The following HERC2 variants were observed in gnomAD, a reference collection of about 807,000 sequenced individuals.
HERC2 encodes E3 ubiquitin-protein ligase HERC2.
HERC2 carries 102 observed loss-of-function variants against 537.7 expected under a neutral mutation model. The ratio of observed to expected loss-of-function variants is 0.19; its 90% CI spans 0.16 to 0.22. The LOEUF (loss-of-function observed/expected upper bound fraction) is 0.22, where lower values mean the gene tolerates loss of function less well. HERC2 is among the 10% of genes least tolerant of loss of function. The pLI, the probability that HERC2 is intolerant of heterozygous loss-of-function variation, is 1.00. For synonymous variants in HERC2, 2,224 were observed against 2,466.2 expected, an observed-to-expected ratio of 0.90 and a Z score of 2.91; for missense variants, 4,236 against 6,198.2, an observed-to-expected ratio of 0.68 and a Z score of 10.63.
In HERC2 at chr15:28,269,269, C is replaced by A. The variant is rs1398601279; in HGVS notation, c.1425G>T (p.Gln475His). 4 of 1,613,840 alleles carry A rather than the reference C, an allele frequency of 2.5e-6. No homozygotes were observed. The highest frequency in any genetic ancestry group is 1.1e-5 in the South Asian group (1 of 90,974). The change falls in exon 11 of 93, where the codon CAG (glutamine) becomes CAT (histidine). Residue 475 changes from glutamine to histidine, a missense_variant. Physicochemically the swap from Gln to His is conservative, Grantham distance 24 (BLOSUM62 0). Around this residue, in one of 27 missense-constraint regions of HERC2, gnomAD observed 491 missense variants for 559.3 expected, o/e 0.88. Transcript: ENST00000261609. Reference sequence around the variant, plus strand: ...TCACCAGCGTGTCACTATTATAGGCCTGTGTGTACACGCGGCCATTGCGTG... The same window carrying A: ...TCACCAGCGTGTCACTATTATAGGCATGTGTGTACACGCGGCCATTGCGTG... The part of the protein sequence containing the change: ...ILSRNGRVYT[Q>H]AYNSDTLAPQ...
intron 10 of HERC2, among the ~76,000 whole-genome samples, chr15:28,269,898 C>A (rs1200487119): frequency 6.6e-6 from 1 of 152,266 alleles, no homozygotes; most frequent in African/African-American, 2.4e-5. Context: ...CGGGCACACA[C>A]ACGTGCACAC....
chr15:28,142,961 C>G lies in HERC2; in HGVS notation c.11419-9G>C, dbSNP rs1462300442. ...GCACTACCTGTAAAACTCTAAGAAA[C>G]AACAGAACAGTATTCTATCGCAGGA... On this transcript the variant is annotated splice_polypyrimidine_tract_variant and intron_variant, in intron 74 of 92. Coordinates refer to ENST00000261609, the MANE Select transcript of HERC2 (RefSeq NM_004667.6). 1 of 1,606,298 alleles carries G rather than the reference C, an allele frequency of 6.2e-7. No homozygotes were observed. Among genetic ancestry groups the G allele is most frequent in the Non-Finnish European group, 8.5e-7 (1 of 1,176,870 alleles).
In HERC2 at chr15:28,117,064, C is replaced by A; in HGVS notation, c.13363G>T (p.Gly4455Cys). The A allele has an allele frequency of 1.2e-6, 2 of 1,614,172 alleles. No individual in the cohort carries two copies. The highest frequency in any genetic ancestry group is 2.7e-5 in the African/African-American group (2 of 75,064). Reference protein sequence around the residue: ...GQMCAKMSSFGPDSLLLPHRV... With the variant: ...GQMCAKMSSFCPDSLLLPHRV... ...TGAGGAAGGAGGAGGCTGTCGGGACCAAACGAGCTCATCTTAGCACACATC... is the reference window on the plus strand; with the variant it reads ...TGAGGAAGGAGGAGGCTGTCGGGACAAAACGAGCTCATCTTAGCACACATC... Residue 4455 changes from glycine to cysteine, a missense_variant, in exon 87 of 93, where the codon GGT becomes TGT. Gly to Cys is a radical substitution (Grantham distance 159, BLOSUM62 -3). This residue lies in a region of HERC2 where 29 missense variants were observed against 102.1 expected (regional missense o/e 0.28). Coordinates refer to ENST00000261609, the MANE Select transcript of HERC2 (RefSeq NM_004667.6).
At chr15:28,140,367 G>C (rs929136470) in intron 78 of HERC2, among the ~76,000 whole-genome samples, 1 of 152,088 alleles carries the variant, frequency 6.6e-6, no homozygotes, top group Non-Finnish European at 1.5e-5. Flanking sequence ...AAGAGAGGTA[G>C]GCTAGACAGA....
chr15:28,167,861 G>C, intron 67 of HERC2, 34 bp from the exon 68 acceptor site: 4 of 1,574,488 alleles, frequency 2.5e-6, no homozygotes, highest in Non-Finnish European at 3.4e-6. Context: ...GGAAGTTTAA[G>C]TGGAAAAACT....
chr15:28,264,701 C>T (rs1181654413), intron 14 of HERC2, among the ~76,000 whole-genome samples: 1 of 152,198 alleles, frequency 6.6e-6, no homozygotes, highest in Non-Finnish European at 1.5e-5. Flanking sequence ...GAATGCAAGG[C>T]TAATCTCCTA....
chr15:28,254,670 G>A (rs1477156763), intron 19 of HERC2, 152 bp from the exon 20 acceptor site: 2 of 563,462 alleles, frequency 3.5e-6, no homozygotes, highest in Non-Finnish European at 6.1e-6. Flanking sequence ...TGCCTTGTTG[G>A]AAACCCTAAC....
At position 28,146,269 on chromosome 15, in the gene HERC2, T is replaced by C. The variant is rs765392969; in HGVS notation, c.10976A>G (p.Asp3659Gly). The change falls in exon 71 of 93, where the codon GAC (aspartate) becomes GGC (glycine). Residue 3659 changes from aspartate to glycine, a missense_variant. Physicochemically the swap from Asp to Gly is moderately conservative, Grantham distance 94. Around this residue, in one of 27 missense-constraint regions of HERC2, gnomAD observed 356 missense variants for 450.9 expected, o/e 0.79. Coordinates refer to ENST00000261609, the MANE Select transcript of HERC2 (RefSeq NM_004667.6). ...CACGGAGACGATCCTGTTGACGCCG[T>C]CCATGACTGTGAGAGGGTCGTGGCG... ...ERRHDPLTVM[D>G]GVNRIVSVRS... 2 of 1,613,888 alleles carry C rather than the reference T, an allele frequency of 1.2e-6. No homozygotes were observed. Among genetic ancestry groups the C allele is most frequent in the South Asian group, 2.2e-5 (2 of 91,050 alleles).
At position 28,132,790 on chromosome 15, in the gene HERC2, T is replaced by C; in HGVS notation, c.12271A>G (p.Ile4091Val). ...RPRVIESLRG[I>V]EVVDVAAGGA... The stretch of plus-strand genomic sequence containing the variant: ...CCAGCAGCAACATCGACCACTTCAA[T>C]TCCTCTCAGAGACTCGATGACACGA... Residue 4091 changes from isoleucine to valine, a missense_variant, in exon 80 of 93, where the codon ATT (isoleucine) becomes GTT (valine). Physicochemically the swap from Ile to Val is conservative, Grantham distance 29. Transcript: ENST00000261609. 3 of 1,599,796 alleles carry C rather than the reference T, an allele frequency of 1.9e-6. No individual in the cohort carries two copies. The South Asian group carries it at 3.4e-5, about 18-fold the overall frequency.
chr15:28,320,032 G>C (rs1434643473), intron 2 of HERC2: 1 of 151,730 alleles, frequency 6.6e-6, no homozygotes, highest in African/African-American at 2.4e-5. Flanking sequence ...CAAACCCAAA[G>C]AGTAACTACA....
At chr15:28,313,787 C>G (rs543616029) in intron 2 of HERC2, among the ~76,000 whole-genome samples, 1 of 152,134 alleles carries the variant, frequency 6.6e-6, no homozygotes, top group Non-Finnish European at 1.5e-5. Context: ...TGAAGACATC[C>G]TAGAAGCAGT....
intron 2 of HERC2, among the ~76,000 whole-genome samples, chr15:28,318,737 G>C (rs2077156529): frequency 1.3e-5 from 2 of 152,074 alleles, no homozygotes; most frequent in South Asian, 4.2e-4. Context: ...CCCTAGGCCT[G>C]ACGTATCCAA....
Position 28,301,982 on chromosome 15 carries a change from T to A in HERC2, c.73-2466A>T, listed in dbSNP as rs1490664483. On this transcript the variant is annotated intron_variant, in intron 2 of 92. Coordinates refer to ENST00000261609, the MANE Select transcript of HERC2 (RefSeq NM_004667.6). ...ACCCAGCTAATTTTTGTATTTTTGG[T>A]AGAGATGGGGTTTCACCGTGTTGGC... Among the ~76,000 whole-genome samples, 20 of 149,956 alleles carry A rather than the reference T, an allele frequency of 1.3e-4. No individual in the cohort carries two copies. In the Admixed American group the frequency reaches 1.3e-3, roughly 10 times the overall value.
chr15:28,163,257 C>A lies in HERC2; in HGVS notation c.10583G>T (p.Gly3528Val). 1 of 1,613,450 alleles carries A rather than the reference C, an allele frequency of 6.2e-7. No individual in the cohort carries two copies. The highest frequency in any genetic ancestry group is 8.5e-7 in the Non-Finnish European group (1 of 1,179,978). The part of the protein sequence containing the change: ...EDVESQNKAA[G>V]PEPQALDEFT... ...CTCATCCAAGGCCTGAGGCTCCGGA[C>A]CTGCTGCTTTATTTTGGCTTTCAAC... The change falls in exon 69 of 93, where the codon GGT becomes GTT. Residue 3528 changes from glycine (G) to valine (V), a missense_variant. Physicochemically the swap from Gly to Val is moderately radical, Grantham distance 109. Around this residue, in one of 27 missense-constraint regions of HERC2, gnomAD observed 356 missense variants for 450.9 expected, o/e 0.79. Coordinates refer to ENST00000261609, the MANE Select transcript of HERC2 (RefSeq NM_004667.6).
At position 28,191,018 on chromosome 15, in the gene HERC2, T is replaced by A; in HGVS notation, c.8596A>T (p.Ile2866Phe). The change falls in exon 55 of 93, where the codon ATC (isoleucine) becomes TTC (phenylalanine). Residue 2866 changes from isoleucine to phenylalanine, a missense_variant. Ile to Phe is a conservative substitution (Grantham distance 21, BLOSUM62 0). Transcript: ENST00000261609. ...GTGGTGTCAGAAGGGTTAATATTGATTGTCTTTAGTTCAATAAGGTTATTC... is the reference window on the plus strand; with the variant it reads ...GTGGTGTCAGAAGGGTTAATATTGAATGTCTTTAGTTCAATAAGGTTATTC... ...SLNNLIELKT[I>F]NINPSDTTVP... 1 of 1,612,948 alleles carries A rather than the reference T, an allele frequency of 6.2e-7. No homozygotes were observed. Among genetic ancestry groups the A allele is most frequent in the Non-Finnish European group, 8.5e-7 (1 of 1,178,920 alleles).
intron 5 of HERC2, 62 bp downstream of exon 5, chr15:28,280,006 A>G: frequency 7.4e-7 from 1 of 1,346,458 alleles, no homozygotes; most frequent in South Asian, 1.3e-5. Flanking sequence ...ACTTTCTGAA[A>G]CAAAACAGTC....
intron 65 of HERC2, among the ~76,000 whole-genome samples, chr15:28,169,889 T>G (rs1404373374): frequency 1.3e-5 from 2 of 152,230 alleles, no homozygotes; most frequent in East Asian, 3.8e-4. Flanking sequence ...AAGATGTAGG[T>G]GCTTTTATAA....
intron 7 of HERC2, among the ~76,000 whole-genome samples, chr15:28,273,371 G>A (rs557690454): frequency 1.3e-5 from 2 of 152,296 alleles, no homozygotes; most frequent in East Asian, 3.9e-4. Context: ...TTTATCTACA[G>A]AATTAAAGAA....
intron 23 of HERC2, 123 bp downstream of exon 23, chr15:28,245,758 T>C (rs570616649): frequency 2.0e-5 from 18 of 880,874 alleles, no homozygotes; most frequent in East Asian, 5.0e-5. Context: ...TTTTTACTTA[T>C]ACTACCATCA....
Sources: allele counts gnomAD v4.1 joint callset (sites outside exome capture counted in the v4.1 genomes callset), GRCh38; gene constraint gnomAD v4.1.1; regional missense constraint gnomAD v4.1.1; transcripts MANE v1.5; gene names NCBI Gene and HGNC (gene_info 2026-07-23, HGNC 2026-07-21).